CNTN3: variants seen among roughly 807,000 people sequenced by gnomAD.
The protein encoded by CNTN3 is contactin-3.
Under a neutral mutation model 119.1 loss-of-function variants are expected in CNTN3, and 60 were observed. The observed-to-expected ratio is 0.50, with a 90% CI of 0.41 to 0.62. The LOEUF (loss-of-function observed/expected upper bound fraction) is 0.62, where lower values mean the gene tolerates loss of function less well. CNTN3 is among the 20% of genes least tolerant of loss of function. The pLI is 0.00. For synonymous variants in CNTN3, 450 were observed against 438.7 expected, an observed-to-expected ratio of 1.03 and a Z score of -0.32; for missense variants, 1,101 against 1,242.4, an observed-to-expected ratio of 0.89 and a Z score of 1.71.
In CNTN3 at chr3:74,338,495, CGT is replaced by C. The variant is rs10661320; in HGVS notation, c.1365-1839_1365-1838del. On this transcript the variant is annotated intron_variant, in intron 11 of 22. Coordinates refer to ENST00000263665, the MANE Select transcript of CNTN3 (RefSeq NM_020872.3). Reference sequence around the variant, plus strand: ...ATATGTGCGTATGTGTACACACGTGCGTGTGTGTGTGTATACACATATGTGTG... The same window carrying C: ...ATATGTGCGTATGTGTACACACGTGCGTGTGTGTGTATACACATATGTGTG... Among the ~76,000 whole-genome samples the C allele has an allele frequency of 1.8e-3, 262 of 149,412 alleles. 3 individuals are homozygous for C. The highest frequency in any genetic ancestry group is 3.5e-3 in the Middle Eastern group (1 of 284).
chr3:74,413,872 T>G (rs1258388613), intron 5 of CNTN3, among the ~76,000 whole-genome samples: 2 of 152,088 alleles, frequency 1.3e-5, no homozygotes, highest in Non-Finnish European at 2.9e-5. Flanking sequence ...TGAAATTCCC[T>G]CCCCACAAGA....
At chr3:74,528,719 G>A (rs6549620) in intron 1 of CNTN3, among the ~76,000 whole-genome samples, 151,159 of 152,070 alleles carry the variant, frequency 0.99, 75,132 homozygotes, top group Middle Eastern at 1. Flanking sequence ...AGAGAGCCAT[G>A]AAGTATAACC....
chr3:74,445,938 G>T (rs1702041589), intron 4 of CNTN3, among the ~76,000 whole-genome samples: 1 of 152,194 alleles, frequency 6.6e-6, no homozygotes, highest in Non-Finnish European at 1.5e-5. Flanking sequence ...ATCATTCACA[G>T]AAACAGTAAT....
intron 11 of CNTN3, among the ~76,000 whole-genome samples, chr3:74,354,022 T>G (rs2106754681): frequency 6.6e-6 from 1 of 152,222 alleles, no homozygotes; most frequent in Non-Finnish European, 1.5e-5. Flanking sequence ...TTCAAAAATG[T>G]CATATAAATC....
intron 5 of CNTN3, among the ~76,000 whole-genome samples, chr3:74,385,325 T>C (rs972536700): frequency 6.6e-6 from 1 of 152,228 alleles, no homozygotes; most frequent in African/African-American, 2.4e-5. Context: ...AATTTCCTTT[T>C]GTCCTCTTAT....
intron 1 of CNTN3, among the ~76,000 whole-genome samples, chr3:74,595,817 G>A (rs374526871): frequency 2.6e-4 from 39 of 152,006 alleles, no homozygotes; most frequent in Admixed American, 5.2e-4. Context: ...CCTATTCAAC[G>A]TAGTGTTGGA....
At chr3:74,610,282 C>G (rs1414659922) in intron 1 of CNTN3, among the ~76,000 whole-genome samples, 1 of 151,684 alleles carries the variant, frequency 6.6e-6, no homozygotes, top group Non-Finnish European at 1.5e-5. Context: ...ATGATCGCAC[C>G]ACTGCACTCC....
intron 5 of CNTN3, among the ~76,000 whole-genome samples, chr3:74,402,148 A>G (rs1705210941): frequency 6.6e-6 from 1 of 152,184 alleles, no homozygotes; most frequent in Non-Finnish European, 1.5e-5. Flanking sequence ...AAAGTAAGGC[A>G]TGAAACCCCA....
chr3:74,297,070 T>A (rs1702353507), intron 18 of CNTN3, among the ~76,000 whole-genome samples: 1 of 152,152 alleles, frequency 6.6e-6, no homozygotes, highest in African/African-American at 2.4e-5. Flanking sequence ...TGTCTGTATC[T>A]CCACCAGCAG....
At chr3:74,267,753 G>A (rs1262363678) in intron 20 of CNTN3, among the ~76,000 whole-genome samples, 2 of 152,000 alleles carry the variant, frequency 1.3e-5, no homozygotes, top group African/African-American at 4.8e-5. Context: ...AAAACACGTC[G>A]ATGGGGGGGA....
chr3:74,587,773 G>A (rs975294608), intron 1 of CNTN3, among the ~76,000 whole-genome samples: 4 of 152,058 alleles, frequency 2.6e-5, no homozygotes, highest in African/African-American at 9.7e-5. Context: ...TTTCCTAATT[G>A]AATACCCCTT....
At chr3:74,587,946 C>A (rs1359528190) in intron 1 of CNTN3, among the ~76,000 whole-genome samples, 1 of 152,042 alleles carries the variant, frequency 6.6e-6, no homozygotes, top group Non-Finnish European at 1.5e-5. Context: ...ATAGATAGCT[C>A]TTATTATTTT....
chr3:74,386,824 G>A (rs1214285714), intron 5 of CNTN3, among the ~76,000 whole-genome samples: 1 of 152,206 alleles, frequency 6.6e-6, no homozygotes, highest in African/African-American at 2.4e-5. Flanking sequence ...TGTGGTTAGT[G>A]TTCTTATTTT....
chr3:74,284,591 T>C (rs1465784269), intron 20 of CNTN3, among the ~76,000 whole-genome samples: 1 of 152,174 alleles, frequency 6.6e-6, no homozygotes, highest in Non-Finnish European at 1.5e-5. Flanking sequence ...AACTTAAACA[T>C]TTGCATTGTA....
chr3:74,480,398 TA>T (rs1216708702), intron 4 of CNTN3, among the ~76,000 whole-genome samples: 1 of 152,066 alleles, frequency 6.6e-6, no homozygotes, highest in East Asian at 1.9e-4. Flanking sequence ...GTAAGCCTCA[TA>T]ATAATGCAAC....
chr3:74,406,042 T>C (rs1705315798), intron 5 of CNTN3, among the ~76,000 whole-genome samples: 1 of 152,124 alleles, frequency 6.6e-6, no homozygotes, highest in Non-Finnish European at 1.5e-5. Context: ...TTTTCTATTG[T>C]TGGTCATTTA....
At chr3:74,470,945 C>T (rs1225523489) in intron 4 of CNTN3, among the ~76,000 whole-genome samples, 7 of 151,080 alleles carry the variant, frequency 4.6e-5, no homozygotes, top group African/African-American at 7.3e-5. Context: ...GGTGTGATCT[C>T]GGCTCACTGC....
chr3:74,550,610 C>T (rs1421455064), intron 1 of CNTN3, among the ~76,000 whole-genome samples: 1 of 152,154 alleles, frequency 6.6e-6, no homozygotes, highest in Non-Finnish European at 1.5e-5. Context: ...GCACTCATAG[C>T]TCACTACAGC....
At chr3:74,561,299 C>T (rs1035856417) in intron 1 of CNTN3, among the ~76,000 whole-genome samples, 3 of 152,096 alleles carry the variant, frequency 2.0e-5, no homozygotes, top group Non-Finnish European at 4.4e-5. Flanking sequence ...TGTTCAAAAT[C>T]TAAATCAGAA....
Sources: gnomAD v4.1 joint callset for allele counts (sites outside exome capture counted in the v4.1 genomes callset) on GRCh38, gnomAD v4.1.1 for gene constraint, MANE v1.5 for transcripts, NCBI Gene and HGNC (gene_info 2026-07-23, HGNC 2026-07-21) for gene names.